The following COX7B2 variants were observed in gnomAD, a reference collection of about 807,000 sequenced individuals.
COX7B2 encodes cytochrome c oxidase subunit 7B2, also known as cytochrome c oxidase subunit 7B2, mitochondrial.
For missense variants in COX7B2, 109 were observed against 95.9 expected, an observed-to-expected ratio of 1.14 and a Z score of -0.57; for synonymous variants, 37 against 32.1, an observed-to-expected ratio of 1.15 and a Z score of -0.51.
chr4:46,907,755 A>C (rs1720480373), intron 1 of COX7B2, among the ~76,000 whole-genome samples: 1 of 151,742 alleles, frequency 6.6e-6, no homozygotes, highest in Non-Finnish European at 1.5e-5. Context: ...TCGATGGCCA[A>C]GTCAGATAAC....
At chr4:46,862,561 C>T (rs1717399546) in intron 1 of COX7B2, among the ~76,000 whole-genome samples, 2 of 152,080 alleles carry the variant, frequency 1.3e-5, no homozygotes, top group Non-Finnish European at 2.9e-5. Flanking sequence ...GTAAATAAAA[C>T]TGGGTTTAAA....
At position 46,845,028 on chromosome 4, in the gene COX7B2, A is replaced by G. The variant is rs1716178651; in HGVS notation, c.-104-14T>C. On this transcript the variant is annotated splice_polypyrimidine_tract_variant and intron_variant, in intron 1 of 2. Coordinates refer to ENST00000355591, the MANE Select transcript of COX7B2 (RefSeq NM_130902.3). ...AGATTCTGCTTCCTAAAAAAATGCA[A>G]TTAGAAAATTAGTGTCAGATTTCAA... 6.6e-6 allele frequency: 1 copy of G among 152,018 alleles called. No homozygotes were observed. The highest frequency in any genetic ancestry group is 1.5e-5 in the Non-Finnish European group (1 of 67,962). 9.4% of individuals were successfully genotyped at this position (152,018 alleles called of 1,614,324 possible).
At chr4:46,834,881 T>C (rs1411397419) in intron 2 of COX7B2, among the ~76,000 whole-genome samples, 3 of 151,670 alleles carry the variant, frequency 2.0e-5, no homozygotes, top group Non-Finnish European at 4.4e-5. Flanking sequence ...AAACACAAAC[T>C]TGGAAAAATA....
intron 2 of COX7B2, among the ~76,000 whole-genome samples, chr4:46,820,744 C>G (rs1714215110): frequency 6.6e-6 from 1 of 150,838 alleles, no homozygotes; most frequent in Non-Finnish European, 1.5e-5. Context: ...TCACTGGAAC[C>G]TGGGAGGCAG....
rs1290249422 is a variant in COX7B2 at position 46,735,060 on chromosome 4, T to G, written c.133A>C (p.Ser45Arg). Reference protein sequence around the residue: ...HDKYGNAVLASGTAFCVATWV... With the variant: ...HDKYGNAVLARGTAFCVATWV... ...GTAGCAACACAGAAAGCAGTTCCAC[T>G]GGCTAGCACAGCATTACCATATTTA... The change falls in exon 3 of 3, where the codon AGT becomes CGT. Residue 45 changes from serine to arginine, a missense_variant. Coordinates refer to ENST00000355591, the MANE Select transcript of COX7B2 (RefSeq NM_130902.3). 33 of 1,614,086 alleles carry G rather than the reference T, an allele frequency of 2.0e-5. No individual in the cohort carries two copies. The East Asian group carries it at 7.4e-4, about 36-fold the overall frequency.
chr4:46,741,779 T>C (rs1228307269), intron 2 of COX7B2, among the ~76,000 whole-genome samples: 1 of 152,148 alleles, frequency 6.6e-6, no homozygotes, highest in Non-Finnish European at 1.5e-5. Context: ...AAAAGTCATC[T>C]GGAATCTTTA....
At chr4:46,766,674 A>G (rs938504097) in intron 2 of COX7B2, among the ~76,000 whole-genome samples, 2 of 146,692 alleles carry the variant, frequency 1.4e-5, no homozygotes, top group Non-Finnish European at 3.0e-5. Context: ...GCACTCCAGC[A>G]TGGGTGACAA....
intron 2 of COX7B2, among the ~76,000 whole-genome samples, chr4:46,744,943 G>T (rs1022220527): frequency 6.6e-6 from 1 of 151,866 alleles, no homozygotes; most frequent in Non-Finnish European, 1.5e-5. Context: ...TGTTGTCCAG[G>T]CTGGTTTTGA....
At chr4:46,768,700 G>C (rs568357124) in intron 2 of COX7B2, among the ~76,000 whole-genome samples, 1 of 152,182 alleles carries the variant, frequency 6.6e-6, no homozygotes, top group African/African-American at 2.4e-5. Flanking sequence ...AATAAACTAA[G>C]CTGCTAGTTA....
chr4:46,857,924 A>G (rs1717095034), intron 1 of COX7B2, among the ~76,000 whole-genome samples: 2 of 152,162 alleles, frequency 1.3e-5, no homozygotes, highest in South Asian at 4.1e-4. Context: ...TATTCTACTG[A>G]AATAGTTACA....
intron 2 of COX7B2, among the ~76,000 whole-genome samples, chr4:46,763,683 A>G (rs913842448): frequency 1.3e-5 from 2 of 152,174 alleles, no homozygotes; most frequent in Non-Finnish European, 2.9e-5. Context: ...GATAGATTAT[A>G]TATTATATAT....
chr4:46,789,094 T>C (rs1292705177), intron 2 of COX7B2, among the ~76,000 whole-genome samples: 1 of 152,186 alleles, frequency 6.6e-6, no homozygotes, highest in African/African-American at 2.4e-5. Context: ...AAAATTAAGT[T>C]GAGGTTTAGT....
At chr4:46,886,874 TAAAGG>T (rs1476026190) in intron 1 of COX7B2, among the ~76,000 whole-genome samples, 1 of 152,120 alleles carries the variant, frequency 6.6e-6, no homozygotes, top group Non-Finnish European at 1.5e-5. Flanking sequence ...GAACACTTGA[TAAAGG>T]AAAGAGAAAA....
intron 2 of COX7B2, among the ~76,000 whole-genome samples, chr4:46,839,064 G>A (rs1001557361): frequency 2.6e-5 from 4 of 151,660 alleles, no homozygotes; most frequent in African/African-American, 9.7e-5. Flanking sequence ...TAACTCCTTT[G>A]AGCCTCTGTG....
chr4:46,884,019 C>T (rs941262939), intron 1 of COX7B2, among the ~76,000 whole-genome samples: 1 of 152,040 alleles, frequency 6.6e-6, no homozygotes, highest in Non-Finnish European at 1.5e-5. Context: ...TTTTTCATAA[C>T]AAATGAATGG....
intron 2 of COX7B2, among the ~76,000 whole-genome samples, chr4:46,805,808 A>G (rs1718968795): frequency 6.6e-6 from 1 of 152,188 alleles, no homozygotes; most frequent in Admixed American, 6.5e-5. Context: ...TTAAATATAT[A>G]TAAAACAAAA....
intron 2 of COX7B2, among the ~76,000 whole-genome samples, chr4:46,838,973 G>T (rs1054626103): frequency 1.3e-5 from 2 of 151,598 alleles, no homozygotes; most frequent in Non-Finnish European, 2.9e-5. Context: ...TTTGAATCAG[G>T]TTCTTCATGC....
intron 1 of COX7B2, among the ~76,000 whole-genome samples, chr4:46,884,789 C>T (rs919248773): frequency 7.2e-5 from 11 of 152,124 alleles, no homozygotes; most frequent in Non-Finnish European, 1.6e-4. Flanking sequence ...CCCTTCTTCA[C>T]ATCTCCTTCT....
chr4:46,792,918 T>C (rs1190526479), intron 2 of COX7B2, among the ~76,000 whole-genome samples: 3 of 152,258 alleles, frequency 2.0e-5, no homozygotes, highest in Admixed American at 1.3e-4. Context: ...AATCTGGCAA[T>C]AGAGATACAC....
Sources: allele counts gnomAD v4.1 joint callset (sites outside exome capture counted in the v4.1 genomes callset), GRCh38; gene constraint gnomAD v4.1.1; transcripts MANE v1.5; gene names NCBI Gene and HGNC (gene_info 2026-07-23, HGNC 2026-07-21).